MC1R: variants seen among roughly 807,000 people sequenced by gnomAD.
MC1R encodes the protein melanocyte-stimulating hormone receptor.
For missense variants in MC1R, 542 were observed against 430.0 expected (o/e 1.26, Z -2.30); for synonymous variants, 263 against 203.8 (o/e 1.29, Z -2.47).
Position 89,919,792 on chromosome 16 carries a change from C to G in MC1R, c.534C>G (p.Leu178=). 1 of 1,608,292 alleles carries G rather than the reference C, an allele frequency of 6.2e-7. No individual in the cohort carries two copies. Among genetic ancestry groups the G allele is most frequent in the Non-Finnish European group, 8.5e-7 (1 of 1,179,832 alleles). The stretch of plus-strand genomic sequence containing the variant: ...TGGCCAGTGTCGTCTTCAGCACGCT[C>G]TTCATCGCCTACTACGACCACGTGG... ...IWVASVVFST[L]FIAYYDHVAV... The change falls in exon 1 of 1, where the codon CTC becomes CTG. Residue 178 remains leucine (L), a synonymous_variant. Coordinates refer to ENST00000555147, the MANE Select transcript of MC1R (RefSeq NM_002386.4).
Position 89,920,218 on chromosome 16 carries a change from G to T in MC1R, c.*6G>T. 2 of 1,609,238 alleles carry T rather than the reference G, an allele frequency of 1.2e-6. No individual in the cohort carries two copies. Among genetic ancestry groups the T allele is most frequent in the African/African-American group, 1.3e-5 (1 of 74,904 alleles). Reference sequence around the variant, plus strand: ...TGCTGACATGCTCCTGGTGAGCGCGGTGCACGCGGCTTTAAGTGTGCTGGG... The same window carrying T: ...TGCTGACATGCTCCTGGTGAGCGCGTTGCACGCGGCTTTAAGTGTGCTGGG... On this transcript the variant is annotated 3_prime_UTR_variant, in exon 1 of 1. Coordinates refer to ENST00000555147, the MANE Select transcript of MC1R (RefSeq NM_002386.4).
Sources: allele counts gnomAD v4.1 joint callset, GRCh38; gene constraint gnomAD v4.1.1; transcripts MANE v1.5; gene names NCBI Gene and HGNC (gene_info 2026-07-23, HGNC 2026-07-21).